The following PACSIN2 variants were observed in gnomAD, a reference collection of about 807,000 sequenced individuals.
PACSIN2 encodes protein kinase C and casein kinase substrate in neurons 2.
PACSIN2 carries 25 observed loss-of-function variants against 63.8 expected under a neutral mutation model. The ratio of observed to expected loss-of-function variants is 0.39; its 90% confidence interval spans 0.29 to 0.55. The LOEUF (loss-of-function observed/expected upper bound fraction) is 0.55, where lower values mean the gene tolerates loss of function less well. PACSIN2 is among the 20% of genes least tolerant of loss of function. The pLI is 0.62. For synonymous variants in PACSIN2, 255 were observed against 256.2 expected (o/e 1.00, Z 0.05); for missense variants, 518 against 646.9 (o/e 0.80, Z 2.16).
rs934209841 is a variant in PACSIN2 at position 42,964,573 on chromosome 22, C to A, written c.-78+50448G>T. 5.9e-5 allele frequency among the ~76,000 whole-genome samples: 9 copies of A among 152,238 alleles called. No homozygotes were observed. In the South Asian group the frequency reaches 1.7e-3, roughly 28 times the overall value. ...GAGCCAGGACAGGGCAAGGGCAAGG[C>A]AGGAGACCTGAGTGGCAGGTGGCTG... On this transcript the variant is annotated intron_variant, in intron 1 of 10. Coordinates refer to ENST00000263246, the MANE Select transcript of PACSIN2 (RefSeq NM_001184970.3).
At chr22:42,960,355 G>A (rs2146848760) in intron 1 of PACSIN2, among the ~76,000 whole-genome samples, 1 of 152,218 alleles carries the variant, frequency 6.6e-6, no homozygotes, top group East Asian at 1.9e-4. Flanking sequence ...ACACAACAAG[G>A]CAATGCCTGT....
At chr22:42,953,787 A>G (rs1933800907) in intron 1 of PACSIN2, among the ~76,000 whole-genome samples, 1 of 152,210 alleles carries the variant, frequency 6.6e-6, no homozygotes, top group Non-Finnish European at 1.5e-5. Flanking sequence ...CCACTATACT[A>G]TGATGTCTCG....
intron 7 of PACSIN2, 150 bp from the exon 8 acceptor site, chr22:42,879,319 A>G (rs758793831): frequency 1.4e-4 from 115 of 812,058 alleles, no homozygotes; most frequent in Non-Finnish European, 3.5e-5. Context: ...GTTTCCCAGA[A>G]GACCTCAGGC....
intron 1 of PACSIN2, among the ~76,000 whole-genome samples, chr22:42,965,974 G>A (rs552385717): frequency 6.6e-6 from 1 of 152,130 alleles, no homozygotes; most frequent in Admixed American, 6.5e-5. Context: ...AAATGTGATA[G>A]GTCAATCTTT....
intron 1 of PACSIN2, among the ~76,000 whole-genome samples, chr22:42,937,059 T>G (rs1274626549): frequency 6.6e-6 from 1 of 152,204 alleles, no homozygotes; most frequent in Non-Finnish European, 1.5e-5. Context: ...CACACGGTGT[T>G]CTGAATGCTG....
intron 1 of PACSIN2, among the ~76,000 whole-genome samples, chr22:42,920,768 G>A (rs1431906339): frequency 6.6e-6 from 1 of 151,264 alleles, no homozygotes; most frequent in African/African-American, 2.4e-5. Flanking sequence ...GCAGGGGTGA[G>A]GGTCAATTAT....
chr22:42,921,338 G>A (rs953442975), intron 1 of PACSIN2, among the ~76,000 whole-genome samples: 9 of 149,000 alleles, frequency 6.0e-5, no homozygotes, highest in Non-Finnish European at 1.2e-4. Context: ...CACCCTGGGC[G>A]ACAGTGTGAG....
chr22:43,014,380 CG>C (rs1191040448), intron 1 of PACSIN2, among the ~76,000 whole-genome samples: 1 of 134,826 alleles, frequency 7.4e-6, no homozygotes, highest in African/African-American at 2.8e-5. Flanking sequence ...CCCCCCCCCC[CG>C]GGACACGGAG....
chr22:42,888,539 C>T, intron 5 of PACSIN2, 104 bp downstream of exon 5: 2 of 1,153,808 alleles, frequency 1.7e-6, no homozygotes, highest in Non-Finnish European at 2.6e-6. Context: ...TTATTTATCC[C>T]TCTATCCACC....
At chr22:42,944,779 G>A (rs1352055366) in intron 1 of PACSIN2, among the ~76,000 whole-genome samples, 2 of 152,148 alleles carry the variant, frequency 1.3e-5, no homozygotes, top group African/African-American at 2.4e-5. Context: ...GTGGCACAGC[G>A]CATCCACTAC....
intron 1 of PACSIN2, among the ~76,000 whole-genome samples, chr22:42,924,045 A>T (rs1191111093): frequency 7.5e-6 from 1 of 133,820 alleles, no homozygotes; most frequent in South Asian, 2.3e-4. Flanking sequence ...TGGTCTCTTT[A>T]AAAAAAAAAA....
intron 1 of PACSIN2, among the ~76,000 whole-genome samples, chr22:42,924,062 A>G (rs980913924): frequency 6.6e-6 from 1 of 151,048 alleles, no homozygotes; most frequent in Non-Finnish European, 1.5e-5. Flanking sequence ...AAAAAAAAAA[A>G]TCCTGGAGAA....
chr22:42,959,280 C>T (rs1037639466), intron 1 of PACSIN2, among the ~76,000 whole-genome samples: 1 of 152,128 alleles, frequency 6.6e-6, no homozygotes, highest in Non-Finnish European at 1.5e-5. Flanking sequence ...TTAGATTTGG[C>T]TGTAAAGAAA....
intron 1 of PACSIN2, among the ~76,000 whole-genome samples, chr22:42,931,727 T>A (rs1176606426): frequency 3.3e-5 from 5 of 152,192 alleles, no homozygotes; most frequent in Non-Finnish European, 7.3e-5. Flanking sequence ...TATTAATAGT[T>A]ACATTTTTTA....
In PACSIN2 at chr22:42,893,617, GGAGA is replaced by G. The variant is rs1158720540; in HGVS notation, c.61-8_61-5del. 1 of 1,611,376 alleles carries G rather than the reference GGAGA, an allele frequency of 6.2e-7. No individual in the cohort carries two copies. The highest frequency in any genetic ancestry group is 2.2e-5 in the East Asian group (1 of 44,812). ...CAGTCCGCTTGTAGTTCCCGACCTA[GGAGA>G]GAGAACCAGCTGGGAGGCAGGGGGC... is the stretch of plus-strand genomic sequence containing the variant. On this transcript the variant is annotated splice_region_variant and splice_polypyrimidine_tract_variant and intron_variant, in intron 2 of 10. Coordinates refer to ENST00000263246, the MANE Select transcript of PACSIN2 (RefSeq NM_001184970.3).
At chr22:42,889,791 C>T (rs1006415072) in intron 4 of PACSIN2, among the ~76,000 whole-genome samples, 1 of 151,800 alleles carries the variant, frequency 6.6e-6, no homozygotes, top group Non-Finnish European at 1.5e-5. Flanking sequence ...AGCCAAGGCT[C>T]GACAAAACTC....
chr22:42,898,651 T>C (rs966478359), intron 2 of PACSIN2, among the ~76,000 whole-genome samples: 3 of 151,868 alleles, frequency 2.0e-5, no homozygotes, highest in Non-Finnish European at 2.9e-5. Context: ...TCCCTCACAA[T>C]CAAGCTCTGC....
At chr22:42,877,104 C>T (rs944248354) in intron 8 of PACSIN2, 94 bp from the exon 9 acceptor site, 1 of 1,392,800 alleles carries the variant, frequency 7.2e-7, no homozygotes, top group Non-Finnish European at 1.0e-6. Flanking sequence ...AGAGACAAAT[C>T]AGCTCCTCCT....
intron 1 of PACSIN2, among the ~76,000 whole-genome samples, chr22:42,981,829 G>A (rs1922175478): frequency 8.1e-6 from 1 of 123,552 alleles, no homozygotes; most frequent in African/African-American, 3.1e-5. Context: ...GAGGTGGGGG[G>A]TCAGCCCCCC....
Sources: gnomAD v4.1 joint callset for allele counts (sites outside exome capture counted in the v4.1 genomes callset) on GRCh38, gnomAD v4.1.1 for gene constraint, MANE v1.5 for transcripts, NCBI Gene and HGNC (gene_info 2026-07-23, HGNC 2026-07-21) for gene names.